Variants in ZFPM2 observed in about 807,000 individuals in gnomAD.
ZFPM2 encodes the protein zinc finger protein, FOG family member 2, also known as zinc finger protein ZFPM2.
In ZFPM2, 20 loss-of-function variants were observed where a neutral mutation model predicts 98.6. The observed-to-expected ratio is 0.20, with a 90% confidence interval of 0.14 to 0.29. The LOEUF is 0.29. ZFPM2 is among the 10% of genes least tolerant of loss of function. The pLI is 1.00. For missense variants in ZFPM2, 1,310 were observed against 1,388.6 expected (o/e 0.94, Z 0.90); for synonymous variants, 518 against 502.7 (o/e 1.03, Z -0.41).
At chr8:105,552,520 A>T (rs142008515) in intron 3 of ZFPM2, among the ~76,000 whole-genome samples, 2 of 152,064 alleles carry the variant, frequency 1.3e-5, no homozygotes, top group East Asian at 3.9e-4. Context: ...GCTCCCTCCC[A>T]CTCAACTTCC....
intron 1 of ZFPM2, among the ~76,000 whole-genome samples, chr8:105,413,659 A>G (rs1248881577): frequency 6.6e-6 from 1 of 151,584 alleles, no homozygotes; most frequent in Non-Finnish European, 1.5e-5. Context: ...CCTTTTGAAA[A>G]AGAGTTCAAA....
chr8:105,459,769 C>CAATT (rs1479368436), intron 3 of ZFPM2, among the ~76,000 whole-genome samples: 1 of 152,136 alleles, frequency 6.6e-6, no homozygotes. Context: ...CATTTAACCA[C>CAATT]AATTACCTCC....
At chr8:105,539,706 T>A (rs1422767298) in intron 3 of ZFPM2, among the ~76,000 whole-genome samples, 2 of 152,184 alleles carry the variant, frequency 1.3e-5, no homozygotes, top group Non-Finnish European at 2.9e-5. Context: ...GTTATAATTA[T>A]ATTGGTATAA....
At chr8:105,508,956 AGTGGTGTGATT>A (rs1813759030) in intron 3 of ZFPM2, among the ~76,000 whole-genome samples, 1 of 151,946 alleles carries the variant, frequency 6.6e-6, no homozygotes, top group Non-Finnish European at 1.5e-5. Flanking sequence ...GAGTTTGTGA[AGTGGTGTGATT>A]GTGTGATGGG....
At chr8:105,406,591 C>T (rs985894419) in intron 1 of ZFPM2, among the ~76,000 whole-genome samples, 1 of 151,984 alleles carries the variant, frequency 6.6e-6, no homozygotes, top group African/African-American at 2.4e-5. Flanking sequence ...TAACTCAGAT[C>T]TGCTTCACTT....
chr8:105,423,645 G>T (rs1811847287), intron 2 of ZFPM2, among the ~76,000 whole-genome samples: 1 of 152,082 alleles, frequency 6.6e-6, no homozygotes, highest in Non-Finnish European at 1.5e-5. Context: ...CAGTTATTTT[G>T]TCTGCCTTTC....
rs3049323 is a variant in ZFPM2, at chr8:105,580,827, CTA to C, written c.420+19363_420+19364del. On this transcript the variant is annotated intron_variant, in intron 4 of 7. Transcript: ENST00000407775. ...TCTCTCTCTCTCTCTCTCTCTCTCT[CTA>C]TATATATATATATATAAATCACTGA... Among the ~76,000 whole-genome samples, 392 of 131,464 alleles carry C rather than the reference CTA, an allele frequency of 3.0e-3. 3 individuals carry two copies. The highest frequency in any genetic ancestry group is 4.5e-3 in the Non-Finnish European group (274 of 61,142). 86.2% of individuals were successfully genotyped at this position (131,464 alleles called of 152,430 possible). A position where few individuals can be genotyped will look rare whatever the true frequency, so the allele number is the denominator to read the frequency against.
In ZFPM2 at chr8:105,504,392, T is replaced by C. The variant is rs1373038947; in HGVS notation, c.302-56971T>C. On this transcript the variant is annotated intron_variant, in intron 3 of 7. Coordinates refer to ENST00000407775, the MANE Select transcript of ZFPM2 (RefSeq NM_012082.4). ...CCTTGGCTCCATGTCCCTCACATGATTGGGAACTTCCTAGTGATGTGTCAA... is the reference window on the plus strand; with the variant it reads ...CCTTGGCTCCATGTCCCTCACATGACTGGGAACTTCCTAGTGATGTGTCAA... 4.6e-5 allele frequency among the ~76,000 whole-genome samples: 7 copies of C among 152,138 alleles called. No individual in the cohort carries two copies. The East Asian group carries it at 1.3e-3, about 29-fold the overall frequency.
In ZFPM2 at chr8:105,801,519, T is replaced by C; in HGVS notation, c.1437T>C (p.Leu479=). ...KIKSEPSSPR[L]ASSPVQPNIG... ...AGTCTGAGCCCTCTAGCCCAAGACT[T>C]GCCTCATCTCCAGTTCAGCCTAATA... The change falls in exon 8 of 8, where the codon CTT becomes CTC. Residue 479 remains leucine (L), a synonymous_variant. Coordinates refer to ENST00000407775, the MANE Select transcript of ZFPM2 (RefSeq NM_012082.4). 1 of 1,613,936 alleles carries C rather than the reference T, an allele frequency of 6.2e-7. No individual in the cohort carries two copies. The highest frequency in any genetic ancestry group is 8.5e-7 in the Non-Finnish European group (1 of 1,179,860).
intron 1 of ZFPM2, among the ~76,000 whole-genome samples, chr8:105,369,318 C>T (rs1195217738): frequency 6.6e-6 from 1 of 152,010 alleles, no homozygotes; most frequent in East Asian, 1.9e-4. Context: ...TACTTTTAAG[C>T]ATATCTAATA....
At chr8:105,735,819 G>C (rs1286743885) in intron 5 of ZFPM2, among the ~76,000 whole-genome samples, 3 of 152,042 alleles carry the variant, frequency 2.0e-5, no homozygotes, top group Middle Eastern at 3.4e-3. Context: ...ATTCCAAACT[G>C]TATTTTCTCA....
chr8:105,401,459 A>G (rs1441794765), intron 1 of ZFPM2, among the ~76,000 whole-genome samples: 2 of 152,134 alleles, frequency 1.3e-5, no homozygotes, highest in Non-Finnish European at 2.9e-5. Flanking sequence ...TTCAAAGTTT[A>G]AAAGATTTTT....
intron 3 of ZFPM2, among the ~76,000 whole-genome samples, chr8:105,493,236 T>C (rs1272703369): frequency 1.3e-5 from 2 of 152,212 alleles, no homozygotes. Context: ...TTTCTGAGCT[T>C]CTGTTTCTTT....
intron 3 of ZFPM2, among the ~76,000 whole-genome samples, chr8:105,492,228 T>C (rs1813369368): frequency 1.3e-5 from 2 of 152,178 alleles, no homozygotes; most frequent in African/African-American, 4.8e-5. Context: ...AAAACACTAG[T>C]CTCCACAACT....
chr8:105,720,267 G>T (rs143637939), intron 5 of ZFPM2, among the ~76,000 whole-genome samples: 2 of 151,882 alleles, frequency 1.3e-5, no homozygotes, highest in African/African-American at 4.8e-5. Flanking sequence ...CCACCCACCT[G>T]ATCCTGCTGT....
intron 3 of ZFPM2, among the ~76,000 whole-genome samples, chr8:105,526,702 G>T (rs757588763): frequency 3.9e-5 from 6 of 151,996 alleles, no homozygotes; most frequent in Non-Finnish European, 8.8e-5. Flanking sequence ...CTGTATTTGG[G>T]GGTATCAAAT....
chr8:105,735,947 G>T (rs1449437785), intron 5 of ZFPM2, among the ~76,000 whole-genome samples: 1 of 151,874 alleles, frequency 6.6e-6, no homozygotes, highest in African/African-American at 2.4e-5. Context: ...AATTTAACGC[G>T]GCTATAAACC....
intron 5 of ZFPM2, among the ~76,000 whole-genome samples, chr8:105,640,181 T>G (rs978565446): frequency 2.6e-5 from 4 of 152,034 alleles, no homozygotes; most frequent in African/African-American, 7.2e-5. Context: ...GATTCAATCT[T>G]AAGCTTGTTG....
intron 3 of ZFPM2, among the ~76,000 whole-genome samples, chr8:105,447,215 T>TA (rs1315038706): frequency 6.6e-6 from 1 of 151,074 alleles, no homozygotes; most frequent in African/African-American, 2.4e-5. Flanking sequence ...TAAAAATTAA[T>TA]AAAAAAATAA....
Sources: allele counts gnomAD v4.1 joint callset (sites outside exome capture counted in the v4.1 genomes callset), GRCh38; gene constraint gnomAD v4.1.1; transcripts MANE v1.5; gene names NCBI Gene and HGNC (gene_info 2026-07-23, HGNC 2026-07-21).